The following ACACB variants were observed in gnomAD, a reference collection of about 807,000 sequenced individuals.
The protein encoded by ACACB is acetyl-CoA carboxylase 2.
A neutral mutation model predicts 278.8 loss-of-function variants in ACACB; 209 were observed. The observed-to-expected ratio is 0.75, with a 90% CI of 0.67 to 0.84. The LOEUF is 0.84. ACACB is among the 40% of genes least tolerant of loss of function. The probability of loss-of-function intolerance (pLI) is 0.00; values close to 1 mark genes in which losing one functional copy is unlikely to be tolerated. For missense variants in ACACB, 2,850 were observed against 3,269.0 expected (o/e 0.87, Z 3.13); for synonymous variants, 1,174 against 1,285.6 (o/e 0.91, Z 1.86).
At chr12:109,174,492 A>G (rs1291812289) in intron 7 of ACACB, among the ~76,000 whole-genome samples, 2 of 151,382 alleles carry the variant, frequency 1.3e-5, no homozygotes, top group Non-Finnish European at 2.9e-5. Context: ...AGTGTTGAAC[A>G]TTTATTACAT....
At chr12:109,192,885 C>G (rs568036128) in intron 15 of ACACB, among the ~76,000 whole-genome samples, 1 of 152,308 alleles carries the variant, frequency 6.6e-6, no homozygotes, top group South Asian at 2.1e-4. Flanking sequence ...AGGCTGGTCT[C>G]AAACTCATGG....
At chr12:109,120,036 C>G (rs556530554) in intron 1 of ACACB, among the ~76,000 whole-genome samples, 12 of 152,192 alleles carry the variant, frequency 7.9e-5, no homozygotes, top group Non-Finnish European at 1.3e-4. Context: ...AGAAGCAAAT[C>G]AGCTGCAGAC....
intron 21 of ACACB, among the ~76,000 whole-genome samples, chr12:109,210,313 ACATATC>A (rs1225936717): frequency 1.1e-5 from 1 of 92,026 alleles, no homozygotes; most frequent in African/African-American, 4.6e-5. Context: ...ATATACACAC[ACATATC>A]TGTGTATATA....
rs372442198 is a variant in ACACB, at chr12:109,197,167, C to T, written c.2627+14C>T. 137 of 1,596,798 alleles carry T rather than the reference C, an allele frequency of 8.6e-5. No individual in the cohort carries two copies. Among genetic ancestry groups the T allele is most frequent in the Non-Finnish European group, 1.1e-4 (128 of 1,172,862 alleles). Reference sequence around the variant, plus strand: ...AGAGGTTGACAGGTGCGTGGGGGTGCGAGTCCCACTGTGGGCTGGGCATGC... The same window carrying T: ...AGAGGTTGACAGGTGCGTGGGGGTGTGAGTCCCACTGTGGGCTGGGCATGC... On this transcript the variant is annotated intron_variant, in intron 17 of 52. Transcript: ENST00000338432.
At chr12:109,183,398 T>G (rs2044546485) in intron 11 of ACACB, among the ~76,000 whole-genome samples, 1 of 152,240 alleles carries the variant, frequency 6.6e-6, no homozygotes, top group Non-Finnish European at 1.5e-5. Context: ...ACAATACTGA[T>G]TCTTCCAAAC....
intron 1 of ACACB, among the ~76,000 whole-genome samples, chr12:109,117,084 G>T (rs544578531): frequency 1.4e-5 from 2 of 140,170 alleles, no homozygotes; most frequent in Admixed American, 7.2e-5. Flanking sequence ...GCAGACTAAG[G>T]CTGGGCACGG....
intron 27 of ACACB, among the ~76,000 whole-genome samples, chr12:109,226,216 G>T (rs1224136943): frequency 6.6e-6 from 1 of 152,106 alleles, no homozygotes; most frequent in Non-Finnish European, 1.5e-5. Context: ...GGCTGCAGTG[G>T]GTTATGATCT....
At chr12:109,241,562 G>A in intron 36 of ACACB, 2 of 393,872 alleles carry the variant, frequency 5.1e-6, no homozygotes, top group Non-Finnish European at 9.5e-6. Flanking sequence ...TGGCCAGGCT[G>A]GTCTCGAATT....
chr12:109,253,248 G>A, intron 43 of ACACB, 90 bp downstream of exon 43: 1 of 1,350,966 alleles, frequency 7.4e-7, no homozygotes, highest in Non-Finnish European at 9.9e-7. Context: ...GGGTGGTGTG[G>A]GAGGCTGAGG....
chr12:109,186,349 G>T (rs1203162145), intron 12 of ACACB, among the ~76,000 whole-genome samples: 1 of 152,178 alleles, frequency 6.6e-6, no homozygotes, highest in Non-Finnish European at 1.5e-5. Context: ...CAGGCAAAGA[G>T]CCTGGGGTAA....
chr12:109,220,803 C>T (rs1425973623), intron 24 of ACACB, among the ~76,000 whole-genome samples: 1 of 152,202 alleles, frequency 6.6e-6, no homozygotes, highest in Admixed American at 6.5e-5. Flanking sequence ...GATTTGTCCG[C>T]CTTGGCCTCC....
At chr12:109,232,129 C>T (rs1267076715) in intron 28 of ACACB, among the ~76,000 whole-genome samples, 1 of 152,214 alleles carries the variant, frequency 6.6e-6, no homozygotes, top group Non-Finnish European at 1.5e-5. Context: ...GATTCCAAGG[C>T]CCAATTCTAA....
chr12:109,180,005 T>C lies in ACACB; in HGVS notation c.1736T>C (p.Leu579Ser). The C allele has an allele frequency of 6.2e-7, 1 of 1,613,850 alleles. No homozygotes were observed. Among genetic ancestry groups the C allele is most frequent in the Non-Finnish European group, 8.5e-7 (1 of 1,180,022 alleles). The change falls in exon 11 of 53, where the codon TTG (leucine) becomes TCG (serine). Residue 579 changes from leucine to serine, a missense_variant. Coordinates refer to ENST00000338432, the MANE Select transcript of ACACB (RefSeq NM_001093.4). ...LYSQDGSFHFLELNPRLQVEH... is the reference protein window; with the variant it reads ...LYSQDGSFHFSELNPRLQVEH... ...AGTCAGGATGGCAGCTTCCACTTCTTGGAGCTGAATCCTCGCTTGCAGGTG... is the reference window on the plus strand; with the variant it reads ...AGTCAGGATGGCAGCTTCCACTTCTCGGAGCTGAATCCTCGCTTGCAGGTG...
chr12:109,171,345 TTTTC>T (rs1270749554), intron 4 of ACACB, among the ~76,000 whole-genome samples: 2 of 148,710 alleles, frequency 1.3e-5, no homozygotes, highest in Non-Finnish European at 2.9e-5. Context: ...TTTCTTTACA[TTTTC>T]TTTCTTTTTT....
intron 4 of ACACB, among the ~76,000 whole-genome samples, chr12:109,170,505 C>T (rs1408150808): frequency 1.3e-5 from 2 of 152,108 alleles, no homozygotes; most frequent in African/African-American, 4.8e-5. Context: ...CACAGATGAA[C>T]CTTGAGGACG....
At chr12:109,148,395 C>A (rs2043293486) in intron 2 of ACACB, among the ~76,000 whole-genome samples, 1 of 152,094 alleles carries the variant, frequency 6.6e-6, no homozygotes, top group Admixed American at 6.6e-5. Context: ...CTAGCTTGTA[C>A]CCCGACTTAG....
At chr12:109,193,374 C>T (rs560733614) in intron 15 of ACACB, among the ~76,000 whole-genome samples, 3 of 152,178 alleles carry the variant, frequency 2.0e-5, no homozygotes, top group East Asian at 1.9e-4. Context: ...CATGCCACCA[C>T]GCCCGGCTAA....
intron 31 of ACACB, 49 bp from the exon 32 acceptor site, chr12:109,235,264 C>G: frequency 9.8e-6 from 15 of 1,525,136 alleles, no homozygotes; most frequent in Non-Finnish European, 1.4e-5. Context: ...TACTTCAGTT[C>G]CTTTTACGGC....
intron 2 of ACACB, among the ~76,000 whole-genome samples, chr12:109,162,791 C>T (rs1480142410): frequency 2.0e-5 from 3 of 152,174 alleles, no homozygotes; most frequent in Non-Finnish European, 4.4e-5. Flanking sequence ...CTCAGGGGAT[C>T]CCCAACGCAC....
Sources: allele counts gnomAD v4.1 joint callset (sites outside exome capture counted in the v4.1 genomes callset), GRCh38; gene constraint gnomAD v4.1.1; transcripts MANE v1.5; gene names NCBI Gene and HGNC (gene_info 2026-07-23, HGNC 2026-07-21).